NEK10: variants seen among roughly 807,000 people sequenced by gnomAD.
NEK10 encodes the protein NIMA related kinase 10, also known as serine/threonine-protein kinase Nek10.
In NEK10, 122 loss-of-function variants were observed where a neutral mutation model predicts 159.8. The observed-to-expected ratio is 0.76, with a 90% CI of 0.66 to 0.89. The LOEUF is 0.89. Ranked by LOEUF, NEK10 falls within the 40% of genes least tolerant of loss-of-function variation. The pLI, the probability that NEK10 is intolerant of heterozygous loss-of-function variation, is 0.00. For synonymous variants in NEK10, 466 were observed against 457.1 expected, an observed-to-expected ratio of 1.02 and a Z score of -0.25; for missense variants, 1,342 against 1,323.1, an observed-to-expected ratio of 1.01 and a Z score of -0.22.
chr3:27,222,006 G>T (rs73038730), intron 23 of NEK10, among the ~76,000 whole-genome samples: 1 of 152,172 alleles, frequency 6.6e-6, no homozygotes, highest in Non-Finnish European at 1.5e-5. Context: ...CCAGATAGTG[G>T]TTACCTCTGG....
At chr3:27,346,023 A>C in intron 4 of NEK10, 63 bp downstream of exon 4, 1 of 1,530,616 alleles carries the variant, frequency 6.5e-7, no homozygotes, top group Non-Finnish European at 9.0e-7. Context: ...GGATAAACTT[A>C]AATAAAACTG....
chr3:27,326,604 A>T (rs1455919051), intron 5 of NEK10, among the ~76,000 whole-genome samples: 1 of 152,194 alleles, frequency 6.6e-6, no homozygotes. Flanking sequence ...GTTTTTTTTA[A>T]CTAATAAAGA....
At chr3:27,122,107 G>C (rs1941399260) in intron 32 of NEK10, among the ~76,000 whole-genome samples, 1 of 152,038 alleles carries the variant, frequency 6.6e-6, no homozygotes, top group Non-Finnish European at 1.5e-5. Context: ...TTTTATCAGT[G>C]ATAACTGATA....
At chr3:27,232,415 G>GACAT (rs1953395279) in intron 23 of NEK10, among the ~76,000 whole-genome samples, 1 of 151,988 alleles carries the variant, frequency 6.6e-6, no homozygotes, top group Non-Finnish European at 1.5e-5. Context: ...AATCAGAGAT[G>GACAT]ACATGCACAA....
chr3:27,263,249 G>C (rs2040574615), intron 22 of NEK10, among the ~76,000 whole-genome samples: 1 of 152,196 alleles, frequency 6.6e-6, no homozygotes, highest in Non-Finnish European at 1.5e-5. Flanking sequence ...CTCCCAGTTA[G>C]TCTAATCGGG....
intron 33 of NEK10, among the ~76,000 whole-genome samples, chr3:27,118,291 C>A (rs1445074983): frequency 6.6e-6 from 1 of 152,072 alleles, no homozygotes. Context: ...GATTGTCTTG[C>A]TGGACAGACT....
intron 6 of NEK10, among the ~76,000 whole-genome samples, chr3:27,318,036 T>C (rs1226996208): frequency 1.3e-5 from 2 of 152,080 alleles, no homozygotes; most frequent in Non-Finnish European, 2.9e-5. Context: ...ATCTCCTGAC[T>C]TCGTGATCCA....
intron 28 of NEK10, among the ~76,000 whole-genome samples, chr3:27,172,368 A>G (rs1192569646): frequency 6.6e-6 from 1 of 151,146 alleles, no homozygotes; most frequent in African/African-American, 2.4e-5. Context: ...AACTTAAAAT[A>G]CATAAATAAA....
intron 9 of NEK10, chr3:27,309,260 A>T (rs1271759654): frequency 1.8e-5 from 4 of 227,000 alleles, no homozygotes; most frequent in Non-Finnish European, 3.4e-5. Flanking sequence ...ATCTACTGAA[A>T]TTTTTTCATG....
chr3:27,358,820 C>A (rs1207827939), intron 1 of NEK10, among the ~76,000 whole-genome samples: 2 of 152,030 alleles, frequency 1.3e-5, no homozygotes, highest in Non-Finnish European at 2.9e-5. Flanking sequence ...CCACAAATAT[C>A]TTTTTTTTCC....
chr3:27,203,822 T>G (rs1006465111), intron 23 of NEK10, among the ~76,000 whole-genome samples: 1 of 152,202 alleles, frequency 6.6e-6, no homozygotes, highest in Non-Finnish European at 1.5e-5. Flanking sequence ...ATTTATAGTA[T>G]GTATTTGCAA....
rs528138742 is a variant in NEK10 at position 27,118,615 on chromosome 3, C to G, written c.3190+1145G>C. ...CTCTGGAGTGGGGCATCCAGCTGCC[C>G]TGGGGGGAGTTTGTCAACTCACCCT... On this transcript the variant is annotated intron_variant, in intron 33 of 35. Coordinates refer to ENST00000691995, the MANE Select transcript of NEK10 (RefSeq NM_001394966.1). 9.2e-5 allele frequency among the ~76,000 whole-genome samples: 14 copies of G among 152,282 alleles called. No individual in the cohort carries two copies. The South Asian group carries it at 2.7e-3, about 29-fold the overall frequency.
intron 30 of NEK10, among the ~76,000 whole-genome samples, chr3:27,156,582 CA>C (rs1245658184): frequency 6.6e-6 from 1 of 151,926 alleles, no homozygotes; most frequent in African/African-American, 2.4e-5. Flanking sequence ...CAGGGAAATG[CA>C]AATCAAAACC....
At chr3:27,140,779 T>G (rs1943713946) in intron 31 of NEK10, among the ~76,000 whole-genome samples, 1 of 152,166 alleles carries the variant, frequency 6.6e-6, no homozygotes, top group Non-Finnish European at 1.5e-5. Context: ...ATCTGGCACA[T>G]AGTAGGCACC....
intron 1 of NEK10, among the ~76,000 whole-genome samples, chr3:27,364,510 G>A (rs1476399985): frequency 1.3e-5 from 2 of 152,094 alleles, no homozygotes; most frequent in Non-Finnish European, 2.9e-5. Flanking sequence ...TTACAGGCGT[G>A]AGCCACAGCA....
chr3:27,275,982 C>T (rs1306529855), intron 22 of NEK10, among the ~76,000 whole-genome samples: 1 of 152,046 alleles, frequency 6.6e-6, no homozygotes, highest in Non-Finnish European at 1.5e-5. Flanking sequence ...GCAATTTCTA[C>T]ATTAATATTC....
At chr3:27,225,621 T>C (rs1386531701) in intron 23 of NEK10, among the ~76,000 whole-genome samples, 1 of 152,152 alleles carries the variant, frequency 6.6e-6, no homozygotes, top group Non-Finnish European at 1.5e-5. Context: ...TTGAAGGCCA[T>C]ACGGGGAGGG....
rs1946715416 is a variant in NEK10 at position 27,168,965 on chromosome 3, T to C, written c.2831+2854A>G. 3.3e-5 allele frequency among the ~76,000 whole-genome samples: 5 copies of C among 152,208 alleles called. No homozygotes were observed. In the South Asian group the frequency reaches 1.0e-3, roughly 32 times the overall value. On this transcript the variant is annotated intron_variant, in intron 29 of 35. Coordinates refer to ENST00000691995, the MANE Select transcript of NEK10 (RefSeq NM_001394966.1). ...TGTTATAAAGTATTTAGTTAATGAC[T>C]AGCTTTTTAAAAGCCATCTCAAGCT... is the stretch of plus-strand genomic sequence containing the variant.
intron 16 of NEK10, among the ~76,000 whole-genome samples, chr3:27,292,838 G>T (rs2043097917): frequency 6.6e-6 from 1 of 150,736 alleles, no homozygotes; most frequent in Non-Finnish European, 1.5e-5. Context: ...TAGAAATAAA[G>T]TAACAACATA....
Sources: allele counts gnomAD v4.1 joint callset (sites outside exome capture counted in the v4.1 genomes callset), GRCh38; gene constraint gnomAD v4.1.1; transcripts MANE v1.5; gene names NCBI Gene and HGNC (gene_info 2026-07-23, HGNC 2026-07-21).